Variants in NRXN1 observed in about 807,000 individuals in gnomAD.
The protein encoded by NRXN1 is neurexin 1, also known as neurexin-1.
A neutral mutation model predicts 150.9 loss-of-function variants in NRXN1; 39 were observed. That is an observed-to-expected ratio of 0.26 (90% CI 0.20 to 0.34). The LOEUF (loss-of-function observed/expected upper bound fraction) is 0.34. Ranked by LOEUF, NRXN1 falls within the 10% of genes least tolerant of loss-of-function variation. The probability of loss-of-function intolerance (pLI) is 1.00; values close to 1 mark genes in which losing one functional copy is unlikely to be tolerated. For synonymous variants in NRXN1, 924 were observed against 757.0 expected, an observed-to-expected ratio of 1.22 and a Z score of -3.62; for missense variants, 1,815 against 1,949.9, an observed-to-expected ratio of 0.93 and a Z score of 1.30.
chr2:50,916,787 G>A (rs1420130612), intron 5 of NRXN1: 2 of 151,580 alleles, frequency 1.3e-5, no homozygotes, highest in East Asian at 3.9e-4. Context: ...TAATGACACA[G>A]AAAACTTTGC....
chr2:50,425,326 C>T (rs2084390707), intron 17 of NRXN1, among the ~76,000 whole-genome samples: 1 of 152,128 alleles, frequency 6.6e-6, no homozygotes, highest in Non-Finnish European at 1.5e-5. Flanking sequence ...CTTTATTTAA[C>T]CTACACGTCT....
intron 21 of NRXN1, among the ~76,000 whole-genome samples, chr2:50,010,249 C>G (rs1685437705): frequency 6.6e-6 from 1 of 152,074 alleles, no homozygotes; most frequent in African/African-American, 2.4e-5. Flanking sequence ...TTTAGATGCT[C>G]TGTACTTACT....
intron 17 of NRXN1, among the ~76,000 whole-genome samples, chr2:50,312,209 C>T (rs1384980786): frequency 2.6e-5 from 4 of 152,074 alleles, no homozygotes; most frequent in Non-Finnish European, 4.4e-5. Flanking sequence ...GATTTCTCCC[C>T]TATTTCTACC....
intron 18 of NRXN1, among the ~76,000 whole-genome samples, chr2:50,227,779 G>C (rs2064542258): frequency 6.6e-6 from 1 of 152,026 alleles, no homozygotes; most frequent in Admixed American, 6.6e-5. Context: ...GGAATAAAAA[G>C]CAAGCAGATA....
Position 50,226,786 on chromosome 2 carries a change from T to A in NRXN1, c.3546+10003A>T, listed in dbSNP as rs1253357108. Among the ~76,000 whole-genome samples the A allele has an allele frequency of 2.6e-5, 4 of 152,100 alleles. No individual in the cohort carries two copies. The East Asian group carries it at 7.8e-4, about 30-fold the overall frequency. On this transcript the variant is annotated intron_variant, in intron 18 of 22. Transcript: ENST00000401669. ...TGCTGATAGTTAGCTCAGATTTGTA[T>A]CTCTAACCCCCCCAAAACACATTTA...
At chr2:50,806,536 A>T (rs1307123152) in intron 5 of NRXN1, among the ~76,000 whole-genome samples, 1 of 152,172 alleles carries the variant, frequency 6.6e-6, no homozygotes, top group Non-Finnish European at 1.5e-5. Flanking sequence ...ATATAGCTAC[A>T]AGAAACAGAT....
At chr2:50,925,310 A>G (rs1248382386) in intron 3 of NRXN1, among the ~76,000 whole-genome samples, 1 of 151,874 alleles carries the variant, frequency 6.6e-6, no homozygotes, top group East Asian at 1.9e-4. Context: ...AAATTCCTTG[A>G]CAGAGATAAT....
At chr2:51,021,843 T>C (rs1669664450) in intron 2 of NRXN1, among the ~76,000 whole-genome samples, 1 of 152,046 alleles carries the variant, frequency 6.6e-6, no homozygotes. Flanking sequence ...ACTGCTTAAA[T>C]ATAAAATTGG....
At chr2:50,164,819 A>C (rs1414793949) in intron 18 of NRXN1, among the ~76,000 whole-genome samples, 2 of 152,168 alleles carry the variant, frequency 1.3e-5, no homozygotes, top group East Asian at 3.9e-4. Context: ...TTCTCCGTCA[A>C]AACACCCAAT....
chr2:50,225,593 C>T (rs1221239380), intron 18 of NRXN1, among the ~76,000 whole-genome samples: 2 of 151,786 alleles, frequency 1.3e-5, no homozygotes, highest in Non-Finnish European at 2.9e-5. Context: ...AATATATAAT[C>T]CAGGCCTCAA....
intron 12 of NRXN1, among the ~76,000 whole-genome samples, chr2:50,518,505 A>G (rs772698639): frequency 6.6e-6 from 1 of 151,976 alleles, no homozygotes; most frequent in Non-Finnish European, 1.5e-5. Flanking sequence ...ATACTCATTT[A>G]ATGTATTTTC....
At chr2:50,015,518 A>G (rs1247584262) in intron 21 of NRXN1, among the ~76,000 whole-genome samples, 3 of 67,888 alleles carry the variant, frequency 4.4e-5, no homozygotes, top group Non-Finnish European at 8.4e-5. Context: ...ATTTCTGCCA[A>G]AAAAAAAAAA....
intron 21 of NRXN1, among the ~76,000 whole-genome samples, chr2:50,011,153 A>G (rs1181187989): frequency 6.6e-6 from 1 of 152,182 alleles, no homozygotes; most frequent in African/African-American, 2.4e-5. Flanking sequence ...GAGACCTGAT[A>G]TAGTTCTTGA....
intron 5 of NRXN1, among the ~76,000 whole-genome samples, chr2:50,879,954 G>T (rs1333848217): frequency 1.3e-5 from 2 of 151,896 alleles, no homozygotes; most frequent in African/African-American, 4.8e-5. Context: ...AGCTATGGAA[G>T]AAATAAGTAT....
intron 5 of NRXN1, among the ~76,000 whole-genome samples, chr2:50,899,123 T>G (rs1465732326): frequency 6.6e-6 from 1 of 152,116 alleles, no homozygotes; most frequent in East Asian, 1.9e-4. Context: ...GTCGCTAAAA[T>G]AAATGAACGA....
chr2:50,131,879 G>A (rs1705547621), intron 18 of NRXN1, among the ~76,000 whole-genome samples: 1 of 147,858 alleles, frequency 6.8e-6, no homozygotes, highest in Admixed American at 6.9e-5. Flanking sequence ...GTCAATAGCA[G>A]GTAAAGAAAC....
intron 16 of NRXN1, among the ~76,000 whole-genome samples, chr2:50,468,983 T>A (rs2089200133): frequency 6.6e-6 from 1 of 151,608 alleles, no homozygotes; most frequent in Admixed American, 6.6e-5. Flanking sequence ...TCTGATTTTA[T>A]GTAGAGATAT....
intron 17 of NRXN1, among the ~76,000 whole-genome samples, chr2:50,237,439 C>T (rs1231809921): frequency 6.6e-6 from 1 of 151,942 alleles, no homozygotes. Flanking sequence ...AGGAATGTAA[C>T]TTTTATGGAA....
intron 8 of NRXN1, among the ~76,000 whole-genome samples, chr2:50,558,828 G>A (rs1382670258): frequency 1.3e-5 from 2 of 152,150 alleles, no homozygotes; most frequent in Non-Finnish European, 2.9e-5. Flanking sequence ...GGGAGGCCGA[G>A]GAGGGCGGAT....
Sources: allele counts gnomAD v4.1 joint callset (sites outside exome capture counted in the v4.1 genomes callset), GRCh38; gene constraint gnomAD v4.1.1; transcripts MANE v1.5; gene names NCBI Gene and HGNC (gene_info 2026-07-23, HGNC 2026-07-21).